Variants in CMAS observed in about 807,000 individuals in gnomAD.
The protein encoded by CMAS is cytidine monophosphate N-acetylneuraminic acid synthetase, also known as N-acylneuraminate cytidylyltransferase.
Under a neutral mutation model 53.4 loss-of-function variants are expected in CMAS, and 21 were observed. The ratio of observed to expected loss-of-function variants is 0.39; its 90% CI spans 0.28 to 0.57. The LOEUF is 0.57. Ranked by LOEUF, CMAS falls within the 20% of genes least tolerant of loss-of-function variation. The pLI, the probability that CMAS is intolerant of heterozygous loss-of-function variation, is 0.56. For synonymous variants in CMAS, 189 were observed against 195.2 expected (o/e 0.97, Z 0.27); for missense variants, 384 against 534.9 (o/e 0.72, Z 2.78).
intron 1 of CMAS, among the ~76,000 whole-genome samples, chr12:22,054,513 AAAG>A (rs376271067): frequency 6.6e-6 from 1 of 152,292 alleles, no homozygotes; most frequent in African/African-American, 2.4e-5. Context: ...GTTGTTTAAA[AAAG>A]AAAGAGTTGT....
intron 1 of CMAS, among the ~76,000 whole-genome samples, chr12:22,053,991 ATC>A (rs1158991593): frequency 6.7e-6 from 1 of 148,606 alleles, no homozygotes; most frequent in Non-Finnish European, 1.5e-5. Context: ...CAGTGGCGCG[ATC>A]TCGGCTCACT....
intron 7 of CMAS, among the ~76,000 whole-genome samples, chr12:22,064,655 AAAT>A (rs1950332995): frequency 6.6e-6 from 1 of 152,092 alleles, no homozygotes; most frequent in Non-Finnish European, 1.5e-5. Context: ...TTTTTGGATA[AAAT>A]ATTATGTCTG....
Position 22,054,619 on chromosome 12 carries a change from A to ATT in CMAS, c.261-518_261-517dup, listed in dbSNP as rs34999564. ...TTTAGGGTTTGGCTAAGCCAAGTCC[A>ATT]TTTTTTTTTTTTTAGCAAGCATATT... On this transcript the variant is annotated intron_variant, in intron 1 of 7. Coordinates refer to ENST00000229329, the MANE Select transcript of CMAS (RefSeq NM_018686.6). Among the ~76,000 whole-genome samples the ATT allele has an allele frequency of 1.2e-3, 170 of 145,874 alleles. No homozygotes were observed. The Middle Eastern group carries it at 0.014, about 12-fold the overall frequency.
intron 1 of CMAS, among the ~76,000 whole-genome samples, chr12:22,049,830 G>A (rs924120060): frequency 2.0e-5 from 3 of 151,958 alleles, no homozygotes; most frequent in African/African-American, 7.3e-5. Flanking sequence ...ACCTGAACCC[G>A]GGAGGTGGAG....
At chr12:22,049,086 T>C (rs1436047664) in intron 1 of CMAS, among the ~76,000 whole-genome samples, 1 of 152,246 alleles carries the variant, frequency 6.6e-6, no homozygotes, top group African/African-American at 2.4e-5. Flanking sequence ...AGTCCTCATA[T>C]TCTTACAGGT....
intron 1 of CMAS, among the ~76,000 whole-genome samples, chr12:22,050,971 C>G (rs974878320): frequency 6.6e-6 from 1 of 151,994 alleles, no homozygotes; most frequent in African/African-American, 2.4e-5. Context: ...GCCTCCTACC[C>G]TCTCTTTTGT....
intron 1 of CMAS, among the ~76,000 whole-genome samples, chr12:22,049,239 C>G (rs1950225091): frequency 6.6e-6 from 1 of 152,162 alleles, no homozygotes; most frequent in Admixed American, 6.6e-5. Flanking sequence ...TCATCTTCCA[C>G]TCTTGAAACC....
chr12:22,062,215 T>C (rs997246487), intron 6 of CMAS, 66 bp from the exon 7 acceptor site: 7 of 1,419,364 alleles, frequency 4.9e-6, no homozygotes. Flanking sequence ...TTATGAAAGA[T>C]TTCTGTTTTC....
chr12:22,049,106 A>T (rs1950224199), intron 1 of CMAS, among the ~76,000 whole-genome samples: 1 of 152,166 alleles, frequency 6.6e-6, no homozygotes, highest in South Asian at 2.1e-4. Flanking sequence ...TTTAAATGTA[A>T]GTCAGAAGGA....
intron 4 of CMAS, 89 bp downstream of exon 4, chr12:22,058,789 T>C (rs1167988652): frequency 3.0e-5 from 44 of 1,447,562 alleles, no homozygotes; most frequent in Non-Finnish European, 3.9e-5. Flanking sequence ...AATTTCTTTA[T>C]GATAAAGAAA....
intron 3 of CMAS, among the ~76,000 whole-genome samples, chr12:22,057,430 A>G (rs931185244): frequency 1.3e-5 from 2 of 152,188 alleles, no homozygotes; most frequent in Non-Finnish European, 2.9e-5. Context: ...TATGTTTAGT[A>G]TATTTTTAAC....
At position 22,046,229 on chromosome 12, in the gene CMAS, G is replaced by C. The variant is rs1305058589; in HGVS notation, c.-75G>C. 3.7e-6 allele frequency: 5 copies of C among 1,345,458 alleles called. No homozygotes were observed. Among genetic ancestry groups the C allele is most frequent in the African/African-American group, 3.1e-5 (2 of 64,426 alleles). The allele number at this position is 1,345,458 out of a possible 1,614,324, so 83.3% of individuals were successfully genotyped here. A position where few individuals can be genotyped will look rare whatever the true frequency, so the allele number is the denominator to read the frequency against. ...GCGCGCCAGCTGCCAGGCGGGGATC[G>C]GGCGGCGCCGAGCTGAGGTGGTGAG... On this transcript the variant is annotated 5_prime_UTR_variant, in exon 1 of 8. Transcript: ENST00000229329.
Position 22,065,525 on chromosome 12 carries a change from C to T in CMAS, c.*214C>T, listed in dbSNP as rs1950341801. 2.1e-6 allele frequency: 1 copy of T among 485,354 alleles called. No individual in the cohort carries two copies. Among genetic ancestry groups the T allele is most frequent in the Non-Finnish European group, 3.7e-6 (1 of 268,398 alleles). 30.1% of individuals were successfully genotyped at this position (485,354 alleles called of 1,614,324 possible). On this transcript the variant is annotated 3_prime_UTR_variant, in exon 8 of 8. Coordinates refer to ENST00000229329, the MANE Select transcript of CMAS (RefSeq NM_018686.6). ...GATTTTTAGTAAATGCAAGTAAGAA[C>T]ATCATCAAAGTTCACTTTGTATTGT...
chr12:22,065,461 G>A lies in CMAS; in HGVS notation c.*150G>A, dbSNP rs1950341410. 1.4e-5 allele frequency: 8 copies of A among 591,178 alleles called. No individual in the cohort carries two copies. The highest frequency in any genetic ancestry group is 1.3e-4 in the South Asian group (5 of 39,984). The allele number at this position is 591,178 out of a possible 1,614,324, so 36.6% of individuals were successfully genotyped here. On this transcript the variant is annotated 3_prime_UTR_variant, in exon 8 of 8. Coordinates refer to ENST00000229329, the MANE Select transcript of CMAS (RefSeq NM_018686.6). ...TATTGTGCTCTACTTTTCTCTTTACGCAAGATAATTATTTAGAGACTGATT... is the reference window on the plus strand; with the variant it reads ...TATTGTGCTCTACTTTTCTCTTTACACAAGATAATTATTTAGAGACTGATT...
At chr12:22,057,914 C>G (rs7960778) in intron 3 of CMAS, among the ~76,000 whole-genome samples, 76,538 of 150,286 alleles carry the variant, frequency 0.51, 21,746 homozygotes, top group East Asian at 0.87. Flanking sequence ...TGCAATCTCC[C>G]CCCCCCGGGT....
intron 4 of CMAS, 112 bp from the exon 5 acceptor site, chr12:22,060,720 T>C: frequency 1.6e-6 from 1 of 617,616 alleles, no homozygotes; most frequent in Non-Finnish European, 2.9e-6. Flanking sequence ...ACTGGGTTAT[T>C]CATTTTTCTC....
intron 1 of CMAS, 64 bp downstream of exon 1, chr12:22,046,627 T>C: frequency 7.0e-7 from 1 of 1,426,918 alleles, no homozygotes; most frequent in Non-Finnish European, 9.2e-7. Flanking sequence ...GTCGGGCTGC[T>C]GGAGGGGCTG....
chr12:22,053,015 C>T (rs1421966926), intron 1 of CMAS, among the ~76,000 whole-genome samples: 2 of 151,948 alleles, frequency 1.3e-5, no homozygotes, highest in Admixed American at 6.6e-5. Flanking sequence ...GCAGTTCAGC[C>T]GAGCGTGGTG....
chr12:22,060,467 T>C (rs1346402779), intron 4 of CMAS, among the ~76,000 whole-genome samples: 9 of 147,498 alleles, frequency 6.1e-5, no homozygotes, highest in African/African-American at 2.2e-4. Flanking sequence ...CTTGGCAACA[T>C]AGCAAGATCT....
Sources: gnomAD v4.1 joint callset for allele counts (sites outside exome capture counted in the v4.1 genomes callset) on GRCh38, gnomAD v4.1.1 for gene constraint, MANE v1.5 for transcripts, NCBI Gene and HGNC (gene_info 2026-07-23, HGNC 2026-07-21) for gene names.